The following RNF150 variants were observed in gnomAD, a reference collection of about 807,000 sequenced individuals.
The protein encoded by RNF150 is ring finger protein 150.
RNF150 carries 24 observed loss-of-function variants against 39.3 expected under a neutral mutation model. That is an observed-to-expected ratio of 0.61 (90% CI 0.44 to 0.86). The LOEUF (loss-of-function observed/expected upper bound fraction) is 0.86. Among genes scored for constraint, RNF150 ranks in the 40% least tolerant of loss-of-function variants. The probability of loss-of-function intolerance (pLI) is 0.00; values close to 1 mark genes in which losing one functional copy is unlikely to be tolerated. For missense variants in RNF150, 502 were observed against 587.8 expected, an observed-to-expected ratio of 0.85 and a Z score of 1.51; for synonymous variants, 255 against 227.3, an observed-to-expected ratio of 1.12 and a Z score of -1.10.
At chr4:141,200,367 A>G (rs1486622938) in intron 1 of RNF150, among the ~76,000 whole-genome samples, 2 of 151,976 alleles carry the variant, frequency 1.3e-5, no homozygotes, top group Non-Finnish European at 2.9e-5. Context: ...TCCTAATACT[A>G]TCACATCGGG....
intron 1 of RNF150, among the ~76,000 whole-genome samples, chr4:141,179,348 C>T (rs774473968): frequency 2.6e-5 from 4 of 152,166 alleles, no homozygotes; most frequent in Non-Finnish European, 4.4e-5. Context: ...GTGTTTCATA[C>T]TTCGTTCATT....
At chr4:141,197,377 A>G (rs1728217692) in intron 1 of RNF150, among the ~76,000 whole-genome samples, 1 of 152,182 alleles carries the variant, frequency 6.6e-6, no homozygotes, top group South Asian at 2.1e-4. Flanking sequence ...GTATTTCAAC[A>G]TATAGTATGA....
chr4:140,965,833 A>T (rs1313338860), intron 2 of RNF150, among the ~76,000 whole-genome samples: 1 of 152,098 alleles, frequency 6.6e-6, no homozygotes, highest in Non-Finnish European at 1.5e-5. Context: ...CTAGAGATCT[A>T]ATGTAAAATG....
chr4:141,177,963 A>T (rs7686603), intron 1 of RNF150, among the ~76,000 whole-genome samples: 1 of 152,202 alleles, frequency 6.6e-6, no homozygotes, highest in Non-Finnish European at 1.5e-5. Context: ...GGGGGAAATG[A>T]TAGCTTTACG....
upstream of RNF150, among the ~76,000 whole-genome samples, chr4:141,137,817 T>A (rs556891484): frequency 5.3e-5 from 8 of 152,298 alleles, no homozygotes; most frequent in South Asian, 1.2e-3. Context: ...AAATAGTTTT[T>A]AAAATATACC....
intron 1 of RNF150, among the ~76,000 whole-genome samples, chr4:141,141,824 T>G (rs1280169317): frequency 1.3e-5 from 2 of 152,014 alleles, no homozygotes; most frequent in Non-Finnish European, 2.9e-5. Context: ...CTGTCTCAAA[T>G]AATAATAATA....
intron 1 of RNF150, among the ~76,000 whole-genome samples, chr4:141,186,218 T>G (rs978220493): frequency 1.3e-5 from 2 of 152,196 alleles, no homozygotes; most frequent in Non-Finnish European, 2.9e-5. Context: ...AACTTGCTAC[T>G]GGTGTATTCA....
chr4:141,204,641 A>C (rs890269831), intron 1 of RNF150, among the ~76,000 whole-genome samples: 1 of 152,170 alleles, frequency 6.6e-6, no homozygotes, highest in African/African-American at 2.4e-5. Flanking sequence ...GCAGAGCTGG[A>C]AGCAGCATTT....
At chr4:141,137,792 A>G (rs983248671), upstream of RNF150, among the ~76,000 whole-genome samples, 11 of 152,218 alleles carry the variant, frequency 7.2e-5, no homozygotes, top group Non-Finnish European at 1.0e-4. Flanking sequence ...GCAACAAAGT[A>G]AAGTGAGCTC....
chr4:140,941,855 G>A (rs1297499358), intron 4 of RNF150, among the ~76,000 whole-genome samples: 1 of 152,176 alleles, frequency 6.6e-6, no homozygotes, highest in Non-Finnish European at 1.5e-5. Flanking sequence ...AGGGTTTTGA[G>A]TGTGTAAATA....
At chr4:141,007,382 A>G (rs1427586030) in intron 1 of RNF150, among the ~76,000 whole-genome samples, 1 of 152,244 alleles carries the variant, frequency 6.6e-6, no homozygotes, top group African/African-American at 2.4e-5. Context: ...TGTTAGATAT[A>G]TAACTTTGGC....
At chr4:140,969,249 A>G (rs1277189525) in intron 1 of RNF150, among the ~76,000 whole-genome samples, 1 of 152,122 alleles carries the variant, frequency 6.6e-6, no homozygotes, top group Admixed American at 6.6e-5. Context: ...CTTTAAAACT[A>G]CATATTAAAG....
At chr4:140,907,215 G>GGTGA (rs1730414858) in intron 6 of RNF150, among the ~76,000 whole-genome samples, 1 of 152,166 alleles carries the variant, frequency 6.6e-6, no homozygotes, top group Non-Finnish European at 1.5e-5. Flanking sequence ...GATAAAGACT[G>GGTGA]GTGAGTAACG....
At chr4:141,202,956 TTA>T (rs1728312655) in intron 1 of RNF150, among the ~76,000 whole-genome samples, 1 of 151,442 alleles carries the variant, frequency 6.6e-6, no homozygotes, top group African/African-American at 2.4e-5. Context: ...AAAATAAAAT[TTA>T]TGTTTTTTGT....
chr4:140,893,701 A>G (rs1375365501), intron 6 of RNF150, among the ~76,000 whole-genome samples: 5 of 152,216 alleles, frequency 3.3e-5, no homozygotes, highest in Admixed American at 2.0e-4. Flanking sequence ...GGTGTGAATA[A>G]GCCAGTTGTT....
intron 5 of RNF150, among the ~76,000 whole-genome samples, chr4:140,918,296 A>G (rs974781691): frequency 2.6e-5 from 4 of 152,236 alleles, no homozygotes; most frequent in African/African-American, 9.6e-5. Flanking sequence ...GACCACTAGC[A>G]AGACGAATAA....
intron 4 of RNF150, among the ~76,000 whole-genome samples, chr4:140,933,441 C>A (rs948818504): frequency 1.3e-5 from 2 of 152,174 alleles, no homozygotes; most frequent in Admixed American, 6.5e-5. Flanking sequence ...AGGAAATGCT[C>A]ACTGCAGCAT....
intron 1 of RNF150, among the ~76,000 whole-genome samples, chr4:141,071,305 C>T (rs1294539980): frequency 2.0e-5 from 3 of 150,030 alleles, no homozygotes; most frequent in Admixed American, 6.6e-5. Context: ...GTGGGTGCAG[C>T]GCACCGGCAT....
chr4:141,002,294 A>C (rs1279326112), intron 1 of RNF150, among the ~76,000 whole-genome samples: 1 of 151,844 alleles, frequency 6.6e-6, no homozygotes, highest in Admixed American at 6.6e-5. Flanking sequence ...TCTTTATTGT[A>C]CTTGATTAAG....
Sources: allele counts gnomAD v4.1 joint callset (sites outside exome capture counted in the v4.1 genomes callset), GRCh38; gene constraint gnomAD v4.1.1; transcripts MANE v1.5; gene names NCBI Gene and HGNC (gene_info 2026-07-23, HGNC 2026-07-21).